The following CNTNAP2 variants were observed in gnomAD, a reference collection of about 807,000 sequenced individuals.
CNTNAP2 encodes the protein contactin-associated protein-like 2.
CNTNAP2 carries 98 observed loss-of-function variants against 155.2 expected under a neutral mutation model. That is an observed-to-expected ratio of 0.63 (90% CI 0.54 to 0.75). The LOEUF (loss-of-function observed/expected upper bound fraction) is 0.75, where lower values mean the gene tolerates loss of function less well. Among genes scored for constraint, CNTNAP2 ranks in the 30% least tolerant of loss-of-function variants. The pLI is 0.00. For missense variants in CNTNAP2, 1,727 were observed against 1,688.1 expected, an observed-to-expected ratio of 1.02 and a Z score of -0.40; for synonymous variants, 651 against 631.2, an observed-to-expected ratio of 1.03 and a Z score of -0.47.
At chr7:148,366,609 G>T (rs758414717) in intron 21 of CNTNAP2, among the ~76,000 whole-genome samples, 1 of 152,136 alleles carries the variant, frequency 6.6e-6, no homozygotes, top group African/African-American at 2.4e-5. Flanking sequence ...ATAGCATCAC[G>T]GCTAAAGAAA....
chr7:148,342,181 C>T (rs1208164261), intron 21 of CNTNAP2, among the ~76,000 whole-genome samples: 2 of 152,198 alleles, frequency 1.3e-5, no homozygotes, highest in African/African-American at 2.4e-5. Flanking sequence ...AAAACAGACT[C>T]GCCACCAGGC....
intron 1 of CNTNAP2, among the ~76,000 whole-genome samples, chr7:146,317,930 A>G (rs1176437105): frequency 1.3e-5 from 2 of 152,214 alleles, no homozygotes; most frequent in Admixed American, 6.5e-5. Context: ...TCACGAGGTC[A>G]GGAGATCGAG....
At chr7:148,302,813 C>CTTTTTTTTTT (rs59354674) in intron 21 of CNTNAP2, among the ~76,000 whole-genome samples, 36 of 86,912 alleles carry the variant, frequency 4.1e-4, no homozygotes, top group East Asian at 7.7e-4. Flanking sequence ...CTCGATTATT[C>CTTTTTTTTTT]TTTTTTTTTT....
At chr7:147,619,147 A>G (rs181848212) in intron 12 of CNTNAP2, among the ~76,000 whole-genome samples, 2 of 152,354 alleles carry the variant, frequency 1.3e-5, no homozygotes, top group African/African-American at 2.4e-5. Flanking sequence ...TCCACAAGAC[A>G]TTTTCATAAC....
chr7:148,097,977 T>C (rs1381888653), intron 15 of CNTNAP2, among the ~76,000 whole-genome samples: 1 of 152,190 alleles, frequency 6.6e-6, no homozygotes, highest in Non-Finnish European at 1.5e-5. Flanking sequence ...AAAAATTACA[T>C]GGATAGAGAA....
intron 13 of CNTNAP2, among the ~76,000 whole-genome samples, chr7:147,799,638 T>G (rs531518250): frequency 1.6e-4 from 24 of 152,344 alleles, no homozygotes; most frequent in Admixed American, 3.3e-4. Flanking sequence ...GGAAGATGTA[T>G]AGATTGTCAT....
At chr7:147,525,394 G>C (rs1255411768) in intron 11 of CNTNAP2, among the ~76,000 whole-genome samples, 2 of 152,080 alleles carry the variant, frequency 1.3e-5, no homozygotes, top group African/African-American at 4.8e-5. Context: ...GACAAGGAAA[G>C]ACAGAAATAG....
intron 11 of CNTNAP2, among the ~76,000 whole-genome samples, chr7:147,533,573 T>C (rs901780673): frequency 6.6e-6 from 1 of 151,916 alleles, no homozygotes; most frequent in African/African-American, 2.4e-5. Context: ...TTTTTAAGCT[T>C]CATGCTTAAA....
chr7:148,091,387 A>G (rs1803837611), intron 15 of CNTNAP2, among the ~76,000 whole-genome samples: 1 of 152,194 alleles, frequency 6.6e-6, no homozygotes, highest in African/African-American at 2.4e-5. Context: ...TCAATCAAAT[A>G]GTTTTTAATT....
chr7:147,764,261 A>G (rs972118111), intron 13 of CNTNAP2, among the ~76,000 whole-genome samples: 3 of 152,090 alleles, frequency 2.0e-5, no homozygotes, highest in African/African-American at 4.8e-5. Flanking sequence ...AGGAGGGTCA[A>G]CTGCTCCTCA....
intron 3 of CNTNAP2, among the ~76,000 whole-genome samples, chr7:146,842,731 G>GCCGGA: frequency 8.5e-5 from 13 of 152,130 alleles, no homozygotes; most frequent in African/African-American, 3.1e-4. Flanking sequence ...TTTCGCCCAG[G>GCCGGA]CTGGAGTGCA....
chr7:146,997,349 C>T (rs10248780), intron 3 of CNTNAP2, among the ~76,000 whole-genome samples: 93,056 of 152,024 alleles, frequency 0.61, 30,427 homozygotes, highest in African/African-American at 0.85. Flanking sequence ...TTGTTGTCCA[C>T]TCTGTTAGTG....
At chr7:146,323,151 A>T (rs1274088031) in intron 1 of CNTNAP2, among the ~76,000 whole-genome samples, 1 of 152,146 alleles carries the variant, frequency 6.6e-6, no homozygotes, top group Non-Finnish European at 1.5e-5. Flanking sequence ...AGGGATAAAA[A>T]TCTGATTGCT....
chr7:148,147,581 G>A lies in CNTNAP2; in HGVS notation c.2645G>A (p.Trp882Ter). Residue 882 changes from tryptophan to a stop codon, truncating the protein, a stop_gained, in exon 17 of 24, where the codon TGG (tryptophan) becomes TAG (stop). Transcript: ENST00000361727. LOFTEE classifies it high-confidence loss of function. The part of the protein sequence containing the change: ...RSPTPLNDDQ[W>*]HRVTAERNVK... Reference sequence around the variant, plus strand: ...CCAACCCCTCTCAACGATGACCAGTGGCACCGGGTCACTGCAGAGAGGAAT... The same window carrying A: ...CCAACCCCTCTCAACGATGACCAGTAGCACCGGGTCACTGCAGAGAGGAAT... 6.2e-7 allele frequency: 1 copy of A among 1,614,124 alleles called. No individual in the cohort carries two copies. Among genetic ancestry groups the A allele is most frequent in the Non-Finnish European group, 8.5e-7 (1 of 1,180,018 alleles).
chr7:146,183,606 AAAT>A (rs55823511), intron 1 of CNTNAP2, among the ~76,000 whole-genome samples: 4,354 of 143,358 alleles, frequency 0.03, 148 homozygotes, highest in African/African-American at 0.089. Flanking sequence ...ATCACCACAC[AAAT>A]AATAATAATA....
intron 1 of CNTNAP2, among the ~76,000 whole-genome samples, chr7:146,420,837 A>G (rs1450734511): frequency 6.6e-6 from 1 of 152,076 alleles, no homozygotes; most frequent in Non-Finnish European, 1.5e-5. Context: ...TGATCAAGTG[A>G]TGTTAGTAGC....
At chr7:148,094,335 A>G (rs994939475) in intron 15 of CNTNAP2, among the ~76,000 whole-genome samples, 1 of 152,250 alleles carries the variant, frequency 6.6e-6, no homozygotes, top group Non-Finnish European at 1.5e-5. Context: ...ATTAGCTGTA[A>G]TATTTTATCA....
At chr7:146,432,274 G>C (rs1285928964) in intron 1 of CNTNAP2, among the ~76,000 whole-genome samples, 2 of 152,034 alleles carry the variant, frequency 1.3e-5, no homozygotes, top group African/African-American at 4.8e-5. Context: ...TGTTTTTATA[G>C]TTTTTCAATA....
chr7:147,963,898 C>A (rs1296739901), intron 14 of CNTNAP2, among the ~76,000 whole-genome samples: 1 of 151,980 alleles, frequency 6.6e-6, no homozygotes, highest in South Asian at 2.1e-4. Flanking sequence ...AATTTATTAC[C>A]ATTTTTCAGA....
Sources: gnomAD v4.1 joint callset for allele counts (sites outside exome capture counted in the v4.1 genomes callset) on GRCh38, gnomAD v4.1.1 for gene constraint, MANE v1.5 for transcripts, NCBI Gene and HGNC (gene_info 2026-07-23, HGNC 2026-07-21) for gene names.